The following PARD3B variants were observed in gnomAD, a reference collection of about 807,000 sequenced individuals.
The protein encoded by PARD3B is par-3 family cell polarity regulator beta.
In PARD3B, 103 loss-of-function variants were observed where a neutral mutation model predicts 130.2. That is an observed-to-expected ratio of 0.79 (90% CI 0.67 to 0.93). The LOEUF is 0.93. Among genes scored for constraint, PARD3B ranks in the 40% least tolerant of loss-of-function variants. The probability of loss-of-function intolerance (pLI) is 0.00; values close to 1 mark genes in which losing one functional copy is unlikely to be tolerated. For synonymous variants in PARD3B, 583 were observed against 553.2 expected, an observed-to-expected ratio of 1.05 and a Z score of -0.76; for missense variants, 1,609 against 1,499.2, an observed-to-expected ratio of 1.07 and a Z score of -1.21.
chr2:204,913,136 A>T (rs1000311742), intron 2 of PARD3B, among the ~76,000 whole-genome samples: 3 of 152,176 alleles, frequency 2.0e-5, no homozygotes. Context: ...CTAATCCCCA[A>T]ATTCTATGTT....
At chr2:205,536,144 T>C (rs1038967109) in intron 21 of PARD3B, among the ~76,000 whole-genome samples, 1 of 152,172 alleles carries the variant, frequency 6.6e-6, no homozygotes, top group Non-Finnish European at 1.5e-5. Flanking sequence ...TTACAGGTAT[T>C]AGCTATGAGC....
intron 3 of PARD3B, among the ~76,000 whole-genome samples, chr2:205,006,581 C>CT (rs776650213): frequency 1.3e-5 from 2 of 152,082 alleles, no homozygotes; most frequent in Non-Finnish European, 2.9e-5. Context: ...GGCATTTTTT[C>CT]ATATGTTTAT....
intron 2 of PARD3B, among the ~76,000 whole-genome samples, chr2:204,827,195 G>A (rs2043616569): frequency 6.6e-6 from 1 of 152,172 alleles, no homozygotes; most frequent in Non-Finnish European, 1.5e-5. Flanking sequence ...CATATTAACA[G>A]TTATTGAAAT....
intron 1 of PARD3B, among the ~76,000 whole-genome samples, chr2:204,684,072 T>C (rs1443560800): frequency 1.3e-5 from 2 of 152,216 alleles, no homozygotes; most frequent in Non-Finnish European, 2.9e-5. Flanking sequence ...TGGCTATTTT[T>C]TGAGTTACTT....
At chr2:204,936,367 A>T (rs933683787) in intron 2 of PARD3B, among the ~76,000 whole-genome samples, 10 of 152,230 alleles carry the variant, frequency 6.6e-5, no homozygotes, top group African/African-American at 2.4e-4. Flanking sequence ...AAATAAATTG[A>T]CAAAGGTAAA....
chr2:205,286,182 C>T (rs993218042), intron 16 of PARD3B, among the ~76,000 whole-genome samples: 1 of 151,966 alleles, frequency 6.6e-6, no homozygotes, highest in African/African-American at 2.4e-5. Flanking sequence ...AGCAGTGAAC[C>T]AAGTGAAACT....
rs181121417 is a variant in PARD3B at position 204,755,506 on chromosome 2, G to T, written c.222+69224G>T. On this transcript the variant is annotated intron_variant, in intron 2 of 22. Coordinates refer to ENST00000406610, the MANE Select transcript of PARD3B (RefSeq NM_001302769.2). ...GTAGAGGGGAAGCAGATTAATTATT[G>T]GCAAAACCTCTTTGTTAAATGACAT... Among the ~76,000 whole-genome samples the T allele has an allele frequency of 1.8e-3, 269 of 152,062 alleles. 5 individuals carry two copies. The highest frequency in any genetic ancestry group is 7.8e-4 in the Non-Finnish European group (53 of 67,954).
At position 205,575,084 on chromosome 2, in the gene PARD3B, GACACACACACACAC is replaced by G. The variant is rs3077829; in HGVS notation, c.3260+21698_3260+21711del. On this transcript the variant is annotated intron_variant, in intron 22 of 22. Coordinates refer to ENST00000406610, the MANE Select transcript of PARD3B (RefSeq NM_001302769.2). This position sits in a 1 kb window ranked among gnomAD's most constrained non-coding sequence, Gnocchi z 4.6. ...AATACATTATATACACATTTAAATA[GACACACACACACAC>G]ACACACACACACACACGCGTACACT... Among the ~76,000 whole-genome samples, 2 of 128,520 alleles carry G rather than the reference GACACACACACACAC, an allele frequency of 1.6e-5. No homozygotes were observed. Among genetic ancestry groups the G allele is most frequent in the African/African-American group, 2.7e-5 (1 of 37,704 alleles). 84.3% of individuals were successfully genotyped at this position (128,520 alleles called of 152,430 possible). A position where few individuals can be genotyped will look rare whatever the true frequency, so the allele number is the denominator to read the frequency against.
chr2:204,976,267 A>G (rs1312131682), intron 3 of PARD3B, among the ~76,000 whole-genome samples: 1 of 152,190 alleles, frequency 6.6e-6, no homozygotes, highest in African/African-American at 2.4e-5. Context: ...TGTAGTGTAG[A>G]AATTAAGAGC....
chr2:204,857,796 G>T (rs1015594154), intron 2 of PARD3B, among the ~76,000 whole-genome samples: 1 of 152,112 alleles, frequency 6.6e-6, no homozygotes, highest in Admixed American at 6.6e-5. Flanking sequence ...TGCTTCAGGG[G>T]ACAAGAGCCA....
chr2:205,468,754 T>C (rs368809788), intron 20 of PARD3B, among the ~76,000 whole-genome samples: 4 of 152,296 alleles, frequency 2.6e-5, no homozygotes, highest in East Asian at 3.9e-4. Context: ...TTTGATCCAT[T>C]GTGCTTTCCC....
intron 2 of PARD3B, among the ~76,000 whole-genome samples, chr2:204,909,966 T>C (rs1391063917): frequency 6.6e-6 from 1 of 152,132 alleles, no homozygotes; most frequent in Non-Finnish European, 1.5e-5. Flanking sequence ...GATCATGAGC[T>C]CTTTCATTGC....
chr2:204,553,856 C>G (rs2030722434), intron 1 of PARD3B, among the ~76,000 whole-genome samples: 1 of 150,898 alleles, frequency 6.6e-6, no homozygotes, highest in Admixed American at 6.6e-5. Flanking sequence ...AGTGGGAGTT[C>G]TCACTGACAC....
intron 3 of PARD3B, among the ~76,000 whole-genome samples, chr2:204,986,827 C>T (rs1338534358): frequency 2.6e-5 from 4 of 152,144 alleles, no homozygotes; most frequent in East Asian, 1.9e-4. Context: ...TGCCATAAAA[C>T]GCTGGAGCAA....
chr2:204,699,005 A>AT (rs2037752835), intron 2 of PARD3B, among the ~76,000 whole-genome samples: 1 of 152,148 alleles, frequency 6.6e-6, no homozygotes, highest in Non-Finnish European at 1.5e-5. Flanking sequence ...CTTTTAAGTT[A>AT]TTATCCAATG....
chr2:204,589,313 C>G (rs979187229), intron 1 of PARD3B, among the ~76,000 whole-genome samples: 1 of 152,162 alleles, frequency 6.6e-6, no homozygotes, highest in Non-Finnish European at 1.5e-5. Context: ...GGAGACTGAT[C>G]TGATGGAACA....
chr2:205,184,949 C>T (rs1478863589), intron 13 of PARD3B, among the ~76,000 whole-genome samples: 1 of 152,084 alleles, frequency 6.6e-6, no homozygotes, highest in Non-Finnish European at 1.5e-5. Context: ...AAACCATGCA[C>T]TTTACCACGA....
rs16837457 is a variant in PARD3B, at chr2:205,593,095, T to C, written c.3261-22361T>C. Among the ~76,000 whole-genome samples, 438 of 152,362 alleles carry C rather than the reference T, an allele frequency of 2.9e-3. 3 individuals carry two copies. Among genetic ancestry groups the C allele is most frequent in the African/African-American group, 9.7e-3 (405 of 41,580 alleles). ...GGTCAGAGTAACATTAGAAGTTTTGTCCATCCAGTTTTAGAACTACAGAGG... is the reference window on the plus strand; with the variant it reads ...GGTCAGAGTAACATTAGAAGTTTTGCCCATCCAGTTTTAGAACTACAGAGG... On this transcript the variant is annotated intron_variant, in intron 22 of 22. Coordinates refer to ENST00000406610, the MANE Select transcript of PARD3B (RefSeq NM_001302769.2).
chr2:204,991,285 T>A (rs1693658142), intron 3 of PARD3B, among the ~76,000 whole-genome samples: 1 of 142,846 alleles, frequency 7.0e-6, no homozygotes, highest in Non-Finnish European at 1.5e-5. Context: ...GTCCATGTGA[T>A]CTCATTGTTC....
Sources: allele counts gnomAD v4.1 joint callset (sites outside exome capture counted in the v4.1 genomes callset), GRCh38; gene constraint gnomAD v4.1.1; non-coding constraint Gnocchi (gnomAD v3.1); transcripts MANE v1.5; gene names NCBI Gene and HGNC (gene_info 2026-07-23, HGNC 2026-07-21).